Variants in SHC2 observed in about 807,000 individuals in gnomAD.
SHC2 encodes the protein SHC adaptor protein 2.
SHC2 carries 62 observed loss-of-function variants against 60.6 expected under a neutral mutation model. The observed-to-expected ratio is 1.02, with a 90% confidence interval of 0.83 to 1.26. The LOEUF (loss-of-function observed/expected upper bound fraction) is 1.26. Ranked by LOEUF, SHC2 falls within the 50% of genes most tolerant of loss-of-function variation. The pLI, the probability that SHC2 is intolerant of heterozygous loss-of-function variation, is 0.00. For synonymous variants in SHC2, 375 were observed against 372.4 expected, an observed-to-expected ratio of 1.01 and a Z score of -0.08; for missense variants, 873 against 822.2, an observed-to-expected ratio of 1.06 and a Z score of -0.76.
intron 8 of SHC2, among the ~76,000 whole-genome samples, chr19:430,985 C>T (rs928863517): frequency 1.6e-4 from 24 of 152,218 alleles, no homozygotes; most frequent in African/African-American, 5.8e-4. Flanking sequence ...CACATCCTGC[C>T]ACCTTGCAAT....
At position 460,833 on chromosome 19, in the gene SHC2, C is replaced by T; in HGVS notation, c.164G>A (p.Gly55Glu). The change falls in exon 1 of 13, where the codon GGG becomes GAG. Residue 55 changes from glycine to glutamate, a missense_variant. Coordinates refer to ENST00000264554, the MANE Select transcript of SHC2 (RefSeq NM_012435.3). ...GRGPAAARAA[G>E]ASGGADPQPE... ...TTGGGGGTCCGCGCCCCCCGAGGCC[C>T]CAGCCGCCCGCGCCGCCGCCGGGCC... 3 of 983,138 alleles carry T rather than the reference C, an allele frequency of 3.1e-6. No homozygotes were observed. Among genetic ancestry groups the T allele is most frequent in the Non-Finnish European group, 3.6e-6 (3 of 830,214 alleles). 60.9% of individuals were successfully genotyped at this position (983,138 alleles called of 1,614,324 possible).
At chr19:457,868 G>A (rs1037319096) in intron 1 of SHC2, among the ~76,000 whole-genome samples, 18 of 152,260 alleles carry the variant, frequency 1.2e-4, no homozygotes, top group African/African-American at 4.1e-4. Flanking sequence ...GCCGGGAGAC[G>A]GCGAGGGCGG....
chr19:430,783 G>A, intron 8 of SHC2, 36 bp from the exon 9 acceptor site: 2 of 1,598,012 alleles, frequency 1.3e-6, no homozygotes, highest in Admixed American at 1.7e-5. Flanking sequence ...CCCGGTGTGT[G>A]CAAGCCCCTC....
chr19:430,807 ACCCCCAGTCT>A (rs2145709117), intron 8 of SHC2, 60 bp from the exon 9 acceptor site: 1 of 1,525,440 alleles, frequency 6.6e-7, no homozygotes, highest in Admixed American at 1.7e-5. Flanking sequence ...CTGGCTCTGG[ACCCCCAGTCT>A]CCCCGCCCGG....
intron 8 of SHC2, among the ~76,000 whole-genome samples, chr19:431,398 G>A (rs1294817486): frequency 1.3e-4 from 16 of 123,462 alleles, no homozygotes; most frequent in African/African-American, 5.3e-4. Flanking sequence ...GCACTTCATC[G>A]TGAGTGAGAT....
chr19:418,873 G>A (rs1312307263), intron 12 of SHC2, 50 bp downstream of exon 12: 1 of 1,548,428 alleles, frequency 6.5e-7, no homozygotes, highest in Non-Finnish European at 8.8e-7. Flanking sequence ...AATCAGAAAA[G>A]AATCTGGCAA....
intron 7 of SHC2, 139 bp from the exon 8 acceptor site, chr19:435,004 GA>G: frequency 1.2e-6 from 1 of 844,718 alleles, no homozygotes; most frequent in Non-Finnish European, 1.8e-6. Flanking sequence ...TTCCTACCGG[GA>G]AACGCTTCTA....
rs114737070 is a variant in SHC2 at position 449,754 on chromosome 19, C to A, written c.469-8822G>T. On this transcript the variant is annotated intron_variant, in intron 1 of 12. Transcript: ENST00000264554. ...CCAGCCTGGGCAACGAGAGCAAAAC[C>A]GTGTCTCAATAATGATAATAATAAT... 5.9e-3 allele frequency among the ~76,000 whole-genome samples: 891 copies of A among 152,054 alleles called. 8 individuals are homozygous for A. Among genetic ancestry groups the A allele is most frequent in the African/African-American group, 0.021 (852 of 41,452 alleles).
Position 460,955 on chromosome 19 carries a change from GGGGGGCGCC to G in SHC2, c.33_41del (p.Ala15_Pro17del), listed in dbSNP as rs1043656972. 1.3e-5 allele frequency: 13 copies of G among 983,300 alleles called. No individual in the cohort carries two copies. In the African/African-American group the frequency reaches 2.1e-4, roughly 16 times the overall value. The allele number at this position is 983,300 out of a possible 1,614,324, so 60.9% of individuals were successfully genotyped here. On this transcript the variant is annotated inframe_deletion, in exon 1 of 13. Transcript: ENST00000264554. ...TGGGCGCCTCGGGCTCGGGGGGCGCGGGGGGCGCCGGGGGCGCGCGCCCGCCCGGACCCT... is the reference window on the plus strand; with the variant it reads ...TGGGCGCCTCGGGCTCGGGGGGCGCGGGGGGCGCGCGCCCGCCCGGACCCT...
chr19:425,321 C>T lies in SHC2; in HGVS notation c.1175-90G>A, dbSNP rs547112734. The T allele has an allele frequency of 3.8e-3, 4,151 of 1,081,618 alleles. 11 individuals are homozygous for T. The highest frequency in any genetic ancestry group is 5.1e-3 in the Middle Eastern group (15 of 2,938). 67.0% of individuals were successfully genotyped at this position (1,081,618 alleles called of 1,614,324 possible). A position where few individuals can be genotyped will look rare whatever the true frequency, so the allele number is the denominator to read the frequency against. ...GGCGGGGTCCCACGAGGAGCTCCCCCGGCCACCACCTGTGCTGCTGGCTGC... is the reference window on the plus strand; with the variant it reads ...GGCGGGGTCCCACGAGGAGCTCCCCTGGCCACCACCTGTGCTGCTGGCTGC... On this transcript the variant is annotated intron_variant, in intron 9 of 12. Coordinates refer to ENST00000264554, the MANE Select transcript of SHC2 (RefSeq NM_012435.3). This position sits in a 1 kb window ranked among gnomAD's most constrained non-coding sequence, Gnocchi z 4.1.
intron 11 of SHC2, among the ~76,000 whole-genome samples, chr19:421,203 C>A (rs1188506435): frequency 6.6e-6 from 1 of 151,538 alleles, no homozygotes; most frequent in Non-Finnish European, 1.5e-5. Context: ...TTGAGAACAG[C>A]CTGGCCAATA....
rs145398565 is a variant in SHC2, at chr19:441,072, G to A, written c.469-140C>T. 1.6e-4 allele frequency: 240 copies of A among 1,491,164 alleles called. 1 individual carries two copies. In the East Asian group the frequency reaches 4.6e-3, roughly 29 times the overall value. The allele number at this position is 1,491,164 out of a possible 1,614,324, so 92.4% of individuals were successfully genotyped here. On this transcript the variant is annotated intron_variant, in intron 1 of 12. Transcript: ENST00000264554. This position sits in a 1 kb window ranked among gnomAD's most constrained non-coding sequence, Gnocchi z 4.9. ...TGTCCCTGGTGGCTCTGGGGCCGTC[G>A]TGCCTCCCCCACCTCAAGGCCCAGC...
At chr19:429,695 A>G (rs1421251275) in intron 9 of SHC2, among the ~76,000 whole-genome samples, 3 of 144,902 alleles carry the variant, frequency 2.1e-5, no homozygotes, top group Non-Finnish European at 4.5e-5. Flanking sequence ...CCTATACCCA[A>G]CATGCACGGA....
In SHC2 at chr19:424,828, C is replaced by T. The variant is rs986332152; in HGVS notation, c.1309+269G>A. ...GCTGGGCCTCACCCATTACACTGCT[C>T]GGCCGCATTCGCTAGAGAGAATGGG... On this transcript the variant is annotated intron_variant, in intron 10 of 12. Coordinates refer to ENST00000264554, the MANE Select transcript of SHC2 (RefSeq NM_012435.3). This position sits in a 1 kb window ranked among gnomAD's most constrained non-coding sequence, Gnocchi z 4.5. Among the ~76,000 whole-genome samples the T allele has an allele frequency of 1.3e-5, 2 of 152,122 alleles. No homozygotes were observed. Among genetic ancestry groups the T allele is most frequent in the Non-Finnish European group, 2.9e-5 (2 of 68,014 alleles).
chr19:447,191 G>A lies in SHC2; in HGVS notation c.469-6259C>T, dbSNP rs549440569. Among the ~76,000 whole-genome samples, 72 of 152,296 alleles carry A rather than the reference G, an allele frequency of 4.7e-4. 1 individual carries two copies. In the South Asian group the frequency reaches 0.014, roughly 29 times the overall value. ...ATACGGGCCATGGCACGGACGCACC[G>A]TGAGGACGCCGGACAGGAAAGGCCA... On this transcript the variant is annotated intron_variant, in intron 1 of 12. Coordinates refer to ENST00000264554, the MANE Select transcript of SHC2 (RefSeq NM_012435.3).
At chr19:452,109 T>C (rs1264001988) in intron 1 of SHC2, among the ~76,000 whole-genome samples, 1 of 152,204 alleles carries the variant, frequency 6.6e-6, no homozygotes, top group Non-Finnish European at 1.5e-5. Context: ...ATATTTTGAG[T>C]TACTAGGAAT....
intron 4 of SHC2, among the ~76,000 whole-genome samples, chr19:437,237 A>AGCTCATCTGCGTGCTCGTCTGCGT (rs1568289308): frequency 1.5e-5 from 2 of 136,544 alleles, no homozygotes; most frequent in African/African-American, 5.5e-5. Context: ...CTCGTTTGCG[A>AGCTCATCTGCGTGCTCGTCTGCGT]GCTCATCTGC....
chr19:429,961 C>T (rs1454238457), intron 9 of SHC2, among the ~76,000 whole-genome samples: 1 of 149,386 alleles, frequency 6.7e-6, no homozygotes, highest in Non-Finnish European at 1.5e-5. Context: ...AACCTAATAC[C>T]ATGTGGATGA....
rs377071143 is a variant in SHC2 at position 419,008 on chromosome 19, G to A, written c.1669C>T (p.His557Tyr). ...ATGGGCTGCCCGTTCTGCAGGTGGT[G>A]GTCGATCAGGTGGCTGATGCTCTCA... The part of the protein sequence containing the change: ...LFESISHLID[H>Y]HLQNGQPIVA... Residue 557 changes from histidine (H) to tyrosine (Y), a missense_variant, in exon 12 of 13, where the codon CAC becomes TAC. Transcript: ENST00000264554. The A allele has an allele frequency of 6.3e-7, 1 of 1,586,870 alleles. No homozygotes were observed. Among genetic ancestry groups the A allele is most frequent in the Non-Finnish European group, 8.6e-7 (1 of 1,167,092 alleles).
Sources: allele counts gnomAD v4.1 joint callset (sites outside exome capture counted in the v4.1 genomes callset), GRCh38; gene constraint gnomAD v4.1.1; non-coding constraint Gnocchi (gnomAD v3.1); transcripts MANE v1.5; gene names NCBI Gene and HGNC (gene_info 2026-07-23, HGNC 2026-07-21).